The following RBFOX1 variants were observed in gnomAD, a reference collection of about 807,000 sequenced individuals.
RBFOX1 encodes RNA binding fox-1 homolog 1.
In RBFOX1, 8 loss-of-function variants were observed where a neutral mutation model predicts 57.7. That is an observed-to-expected ratio of 0.14 (90% CI 0.08 to 0.25). The LOEUF is 0.25. RBFOX1 is among the 10% of genes least tolerant of loss of function. The pLI, the probability that RBFOX1 is intolerant of heterozygous loss-of-function variation, is 1.00. For synonymous variants in RBFOX1, 326 were observed against 222.4 expected, an observed-to-expected ratio of 1.47 and a Z score of -4.15; for missense variants, 611 against 548.5, an observed-to-expected ratio of 1.11 and a Z score of -1.14.
At chr16:6,597,243 G>A (rs1198307279) in intron 2 of RBFOX1, among the ~76,000 whole-genome samples, 4 of 152,148 alleles carry the variant, frequency 2.6e-5, no homozygotes, top group Non-Finnish European at 5.9e-5. Context: ...GTAGTTGGGT[G>A]CGTATTCACC....
chr16:5,396,038 C>A (rs569065359), intron 1 of RBFOX1, among the ~76,000 whole-genome samples: 1 of 152,234 alleles, frequency 6.6e-6, no homozygotes, highest in East Asian at 1.9e-4. Context: ...GGAGAGAACC[C>A]AACTAAGCCA....
At chr16:6,449,947 A>T (rs868761534) in intron 2 of RBFOX1, among the ~76,000 whole-genome samples, 1 of 152,204 alleles carries the variant, frequency 6.6e-6, no homozygotes, top group Non-Finnish European at 1.5e-5. Context: ...GGATGATGCC[A>T]GGTCAGGAGA....
chr16:5,614,327 C>T lies in RBFOX1; in HGVS notation c.318+15366C>T, dbSNP rs147965228. 4.6e-5 allele frequency among the ~76,000 whole-genome samples: 7 copies of T among 152,300 alleles called. No individual in the cohort carries two copies. In the East Asian group the frequency reaches 1.3e-3, roughly 29 times the overall value. ...CTCCTGGGGACTACGCAGGAGGGCT[C>T]TGGGCCAGTGGGGAGAATCTTCAAT... On this transcript the variant is annotated intron_variant, in intron 3 of 19. Transcript: ENST00000641259.
At chr16:5,630,901 T>C (rs2048486427) in intron 3 of RBFOX1, among the ~76,000 whole-genome samples, 1 of 152,266 alleles carries the variant, frequency 6.6e-6, no homozygotes, top group Admixed American at 6.5e-5. Flanking sequence ...ATATGTTTTT[T>C]TTAGTTGGTT....
intron 3 of RBFOX1, among the ~76,000 whole-genome samples, chr16:5,699,097 C>T (rs2050943664): frequency 6.6e-6 from 1 of 150,678 alleles, no homozygotes; most frequent in Non-Finnish European, 1.5e-5. Flanking sequence ...AAGTGATTCT[C>T]ATGCCTCAGC....
chr16:6,832,760 CTGTTT>C (rs1464479381), intron 3 of RBFOX1, among the ~76,000 whole-genome samples: 34 of 152,184 alleles, frequency 2.2e-4, no homozygotes, highest in African/African-American at 8.2e-4. Context: ...CTGTCCCTAC[CTGTTT>C]GAGCTGCCAG....
chr16:6,974,263 C>T (rs1229013204), intron 3 of RBFOX1, among the ~76,000 whole-genome samples: 4 of 148,194 alleles, frequency 2.7e-5, no homozygotes, highest in Non-Finnish European at 5.9e-5. Context: ...GCATGTGGTA[C>T]AGTTTGAGTT....
intron 3 of RBFOX1, among the ~76,000 whole-genome samples, chr16:6,667,369 G>C (rs921460183): frequency 6.6e-6 from 1 of 152,154 alleles, no homozygotes; most frequent in African/African-American, 2.4e-5. Flanking sequence ...AAGAATGCCA[G>C]GTGTAATCGT....
In RBFOX1 at chr16:5,983,308, G is replaced by A. The variant is rs375598870; in HGVS notation, c.351+115973G>A. On this transcript the variant is annotated intron_variant, in intron 4 of 19. Transcript: ENST00000641259. ...CTTGAGTCGTTTTAAAAGCTTAGTG[G>A]GTGGGGAGGAGAAAATATTCCCTGA... Among the ~76,000 whole-genome samples the A allele has an allele frequency of 9.2e-5, 14 of 152,286 alleles. No homozygotes were observed. In the South Asian group the frequency reaches 2.9e-3, roughly 32 times the overall value.
At chr16:6,179,428 G>A (rs749977699) in intron 1 of RBFOX1, among the ~76,000 whole-genome samples, 2 of 152,112 alleles carry the variant, frequency 1.3e-5, no homozygotes, top group African/African-American at 4.8e-5. Context: ...AGAAAAACTC[G>A]AAGTACTGGA....
Position 6,130,068 on chromosome 16 carries a change from C to T in RBFOX1, c.-127+110076C>T, listed in dbSNP as rs114901286. On this transcript the variant is annotated intron_variant, in intron 1 of 15. Transcript: ENST00000550418. ...GAAAGGAAATGAGAGCAGAAGGAAG[C>T]TCTGATATAATGAAGTAAAAATAGT... Among the ~76,000 whole-genome samples the T allele has an allele frequency of 7.1e-3, 1,076 of 152,098 alleles. 13 individuals are homozygous for T. Among genetic ancestry groups the T allele is most frequent in the African/African-American group, 0.024 (1,010 of 41,506 alleles).
chr16:7,598,026 T>C (rs2094798773), intron 9 of RBFOX1, among the ~76,000 whole-genome samples: 1 of 152,198 alleles, frequency 6.6e-6, no homozygotes, highest in Non-Finnish European at 1.5e-5. Context: ...TTTCTGTTTT[T>C]ATCAATAAAA....
intron 4 of RBFOX1, among the ~76,000 whole-genome samples, chr16:5,893,735 A>G (rs112101433): frequency 0.064 from 9,676 of 151,894 alleles, 340 homozygotes; most frequent in African/African-American, 0.088. Context: ...GAACCCAGGA[A>G]GCAGAGGTTG....
chr16:6,657,315 A>G (rs2098666093), intron 3 of RBFOX1, among the ~76,000 whole-genome samples: 1 of 152,048 alleles, frequency 6.6e-6, no homozygotes, highest in Non-Finnish European at 1.5e-5. Context: ...TGTTAAGAAG[A>G]GATTGGGAGT....
intron 3 of RBFOX1, among the ~76,000 whole-genome samples, chr16:6,679,978 C>G (rs1478691442): frequency 6.9e-6 from 1 of 145,504 alleles, no homozygotes; most frequent in Non-Finnish European, 1.5e-5. Context: ...ATCTGCCTGA[C>G]AGGCAAGACA....
At chr16:6,964,960 TAGC>T (rs1252442093) in intron 3 of RBFOX1, among the ~76,000 whole-genome samples, 1 of 152,328 alleles carries the variant, frequency 6.6e-6, no homozygotes, top group African/African-American at 2.4e-5. Context: ...GCCAGGCACT[TAGC>T]AGCGAGTGTG....
chr16:6,503,843 C>G (rs1389655404), intron 2 of RBFOX1, among the ~76,000 whole-genome samples: 1 of 152,124 alleles, frequency 6.6e-6, no homozygotes, highest in South Asian at 2.1e-4. Context: ...AAGTTTGTGG[C>G]CATTGTTTGC....
intron 3 of RBFOX1, among the ~76,000 whole-genome samples, chr16:5,689,052 CACTT>C (rs1268959101): frequency 6.6e-6 from 1 of 152,212 alleles, no homozygotes; most frequent in Non-Finnish European, 1.5e-5. Flanking sequence ...CATCTTGTGT[CACTT>C]ACCTAACTTT....
chr16:5,688,897 T>A (rs555244062), intron 3 of RBFOX1, among the ~76,000 whole-genome samples: 1 of 152,332 alleles, frequency 6.6e-6, no homozygotes, highest in Admixed American at 6.5e-5. Context: ...TCTCCTGGTA[T>A]TGAGTTTCAG....
Sources: allele counts gnomAD v4.1 joint callset (sites outside exome capture counted in the v4.1 genomes callset), GRCh38; gene constraint gnomAD v4.1.1; transcripts MANE v1.5; gene names NCBI Gene and HGNC (gene_info 2026-07-23, HGNC 2026-07-21).